The following TMPRSS15 variants were observed in gnomAD, a reference collection of about 807,000 sequenced individuals.
TMPRSS15 encodes transmembrane serine protease 15.
TMPRSS15 carries 128 observed loss-of-function variants against 125.3 expected under a neutral mutation model. The ratio of observed to expected loss-of-function variants is 1.02; its 90% CI spans 0.89 to 1.18. TMPRSS15 has a LOEUF of 1.18. Among genes scored for constraint, TMPRSS15 ranks in the 50% most tolerant of loss-of-function variants. The probability of loss-of-function intolerance (pLI) is 0.00; values close to 1 mark genes in which losing one functional copy is unlikely to be tolerated. For missense variants in TMPRSS15, 1,283 were observed against 1,212.7 expected, an observed-to-expected ratio of 1.06 and a Z score of -0.86; for synonymous variants, 446 against 423.2, an observed-to-expected ratio of 1.05 and a Z score of -0.66.
chr21:18,318,238 C>T (rs1028500639), intron 16 of TMPRSS15, among the ~76,000 whole-genome samples: 1 of 152,106 alleles, frequency 6.6e-6, no homozygotes, highest in East Asian at 1.9e-4. Flanking sequence ...ATTAGGGATT[C>T]GGAGCTGAAC....
chr21:18,390,570 T>C (rs1040422342), intron 3 of TMPRSS15, among the ~76,000 whole-genome samples: 6 of 152,186 alleles, frequency 3.9e-5, no homozygotes, highest in African/African-American at 1.4e-4. Flanking sequence ...AGTAAGGAGA[T>C]AGACAAATCA....
intron 1 of TMPRSS15, among the ~76,000 whole-genome samples, chr21:18,438,305 A>G (rs2076232955): frequency 8.2e-6 from 1 of 121,674 alleles, no homozygotes; most frequent in South Asian, 2.8e-4. Context: ...GAAGGGGAAC[A>G]TCACACTCTG....
chr21:18,443,903 T>G (rs947148286), intron 1 of TMPRSS15, among the ~76,000 whole-genome samples: 1 of 152,118 alleles, frequency 6.6e-6, no homozygotes. Flanking sequence ...GGGAAGCACC[T>G]GCACAGCAAA....
chr21:18,374,202 G>C (rs1224711747), intron 5 of TMPRSS15, among the ~76,000 whole-genome samples: 1 of 152,062 alleles, frequency 6.6e-6, no homozygotes, highest in Non-Finnish European at 1.5e-5. Context: ...GGCCGGGCGC[G>C]GTGGCTCACG....
intron 1 of TMPRSS15, among the ~76,000 whole-genome samples, chr21:18,467,087 G>T (rs1052374076): frequency 1.3e-5 from 2 of 152,084 alleles, no homozygotes; most frequent in African/African-American, 4.8e-5. Flanking sequence ...CCATAAAAAA[G>T]GATGCGTTCA....
intron 18 of TMPRSS15, among the ~76,000 whole-genome samples, chr21:18,306,782 C>A (rs940978450): frequency 2.6e-5 from 4 of 151,720 alleles, no homozygotes; most frequent in African/African-American, 9.7e-5. Flanking sequence ...AAACACTACC[C>A]TAAGTTTTTT....
rs80073337 is a variant in TMPRSS15 at position 18,317,096 on chromosome 21, G to A, written c.1922-1840C>T. Among the ~76,000 whole-genome samples the A allele has an allele frequency of 2.6e-4, 40 of 152,248 alleles. No individual in the cohort carries two copies. In the East Asian group the frequency reaches 6.6e-3, roughly 25 times the overall value. On this transcript the variant is annotated intron_variant, in intron 16 of 24. Transcript: ENST00000284885. ...AATATAATAACATTACTATTACATT[G>A]CTTTCAAGGAGACTCAGTTCAGGTT...
At chr21:18,397,381 T>C (rs1245669756) in intron 3 of TMPRSS15, among the ~76,000 whole-genome samples, 1 of 152,184 alleles carries the variant, frequency 6.6e-6, no homozygotes, top group African/African-American at 2.4e-5. Context: ...TTTCCATATG[T>C]TACAGATTCA....
chr21:18,347,433 C>T (rs773103284), intron 10 of TMPRSS15, among the ~76,000 whole-genome samples: 23 of 152,138 alleles, frequency 1.5e-4, no homozygotes, highest in Middle Eastern at 3.4e-3. Flanking sequence ...GATGGAGTTT[C>T]GCCATGTTAG....
intron 24 of TMPRSS15, 105 bp downstream of exon 24, chr21:18,275,092 A>G (rs1391347565): frequency 3.8e-5 from 55 of 1,457,746 alleles, no homozygotes; most frequent in Non-Finnish European, 4.5e-5. Flanking sequence ...TAAAAGAGAA[A>G]TGAAAGAAGC....
intron 7 of TMPRSS15, among the ~76,000 whole-genome samples, chr21:18,361,212 C>T (rs1476607868): frequency 6.6e-6 from 1 of 151,920 alleles, no homozygotes; most frequent in Non-Finnish European, 1.5e-5. Context: ...TTAGTGGAAC[C>T]TCTATTTACA....
At chr21:18,304,781 T>A (rs188299614) in intron 18 of TMPRSS15, among the ~76,000 whole-genome samples, 3 of 152,324 alleles carry the variant, frequency 2.0e-5, no homozygotes, top group Admixed American at 2.0e-4. Context: ...TCCATGGATT[T>A]AAAAATTTTT....
Position 18,467,531 on chromosome 21 carries a change from T to C in TMPRSS15, c.10+18268A>G, listed in dbSNP as rs73895633. 3.8e-3 allele frequency among the ~76,000 whole-genome samples: 571 copies of C among 152,128 alleles called. 2 individuals carry two copies. Among genetic ancestry groups the C allele is most frequent in the African/African-American group, 0.013 (551 of 41,522 alleles). ...CCAATACTGAGAAGAAAATAGCAGA[T>C]AGAGTGGTTTACCTTTGATTATTTT... On this transcript the variant is annotated intron_variant, in intron 1 of 7. Coordinates refer to the TMPRSS15 transcript ENST00000422787.
chr21:18,450,395 C>T (rs1234250467), intron 1 of TMPRSS15, among the ~76,000 whole-genome samples: 1 of 152,028 alleles, frequency 6.6e-6, no homozygotes, highest in Non-Finnish European at 1.5e-5. Flanking sequence ...ATGGCGATTT[C>T]CTATGAGCCC....
intron 16 of TMPRSS15, among the ~76,000 whole-genome samples, chr21:18,317,007 A>G (rs1336516550): frequency 1.3e-5 from 2 of 152,196 alleles, no homozygotes; most frequent in Non-Finnish European, 1.5e-5. Flanking sequence ...GGGAAGCAAA[A>G]GCACTTGATA....
At chr21:18,407,448 C>CTTTTTT (rs201740388), upstream of TMPRSS15, among the ~76,000 whole-genome samples, 39 of 133,188 alleles carry the variant, frequency 2.9e-4, no homozygotes, top group African/African-American at 5.9e-4. Flanking sequence ...TTTTTCTTTT[C>CTTTTTT]TTTTTTTTTT....
intron 21 of TMPRSS15, among the ~76,000 whole-genome samples, chr21:18,281,592 T>G (rs896818596): frequency 2.6e-5 from 4 of 152,100 alleles, no homozygotes; most frequent in Non-Finnish European, 5.9e-5. Context: ...CCAGACAATT[T>G]AAAAAATACT....
intron 1 of TMPRSS15, among the ~76,000 whole-genome samples, chr21:18,426,949 G>A (rs2076203795): frequency 6.6e-6 from 1 of 152,166 alleles, no homozygotes; most frequent in Non-Finnish European, 1.5e-5. Flanking sequence ...ACACATAAAG[G>A]AAGTGTTCGC....
At chr21:18,396,808 G>GTCTGTCTGTCTATCTATCTATCTA (rs1461927983) in intron 3 of TMPRSS15, among the ~76,000 whole-genome samples, 77 of 107,870 alleles carry the variant, frequency 7.1e-4, no homozygotes, top group Non-Finnish European at 8.8e-4. Flanking sequence ...CTGTCTGTCT[G>GTCTGTCTGTCTATCTATCTATCTA]TCTATCTATC....
Sources: allele counts gnomAD v4.1 joint callset (sites outside exome capture counted in the v4.1 genomes callset), GRCh38; gene constraint gnomAD v4.1.1; transcripts MANE v1.5; gene names NCBI Gene and HGNC (gene_info 2026-07-23, HGNC 2026-07-21).